The following CDH11 variants were observed in gnomAD, a reference collection of about 807,000 sequenced individuals.
CDH11 encodes cadherin-11.
In CDH11, 11 loss-of-function variants were observed where a neutral mutation model predicts 67.8. The observed-to-expected ratio is 0.16, with a 90% confidence interval of 0.10 to 0.27. The LOEUF (loss-of-function observed/expected upper bound fraction) is 0.27. CDH11 is among the 10% of genes least tolerant of loss of function. The pLI, the probability that CDH11 is intolerant of heterozygous loss-of-function variation, is 1.00. For missense variants in CDH11, 847 were observed against 1,031.2 expected, an observed-to-expected ratio of 0.82 and a Z score of 2.45; for synonymous variants, 419 against 400.0, an observed-to-expected ratio of 1.05 and a Z score of -0.57.
intron 1 of CDH11, among the ~76,000 whole-genome samples, chr16:65,077,140 A>G (rs946842675): frequency 6.6e-6 from 1 of 152,226 alleles, no homozygotes; most frequent in African/African-American, 2.4e-5. Flanking sequence ...ATTAGCTTTC[A>G]GTGCTTTTGC....
chr16:65,096,408 T>G (rs5817506), intron 1 of CDH11, among the ~76,000 whole-genome samples: 1,172 of 15,580 alleles, frequency 0.075, 19 homozygotes, highest in East Asian at 0.4. Context: ...TCTTTCGGGG[T>G]GTGTGTGTGT....
chr16:65,062,132 T>A (rs1272363760), intron 1 of CDH11, among the ~76,000 whole-genome samples: 1 of 152,184 alleles, frequency 6.6e-6, no homozygotes, highest in African/African-American at 2.4e-5. Flanking sequence ...GACTAAGGAC[T>A]GCATCACTTT....
chr16:65,065,638 G>A (rs1427398016), intron 1 of CDH11, among the ~76,000 whole-genome samples: 1 of 152,132 alleles, frequency 6.6e-6, no homozygotes, highest in Non-Finnish European at 1.5e-5. Flanking sequence ...CTTAAACATA[G>A]TGGAAAGATA....
chr16:65,116,782 A>G (rs1320176811), intron 1 of CDH11, among the ~76,000 whole-genome samples: 1 of 152,134 alleles, frequency 6.6e-6, no homozygotes, highest in Admixed American at 6.5e-5. Flanking sequence ...AGGTACGAAG[A>G]TCAGAAATTG....
At chr16:64,982,579 C>G (rs1472281442) in intron 7 of CDH11, 1 of 302,190 alleles carries the variant, frequency 3.3e-6, no homozygotes, top group Non-Finnish European at 6.1e-6. Flanking sequence ...CTAATGTTGC[C>G]CAAATAAGTC....
intron 2 of CDH11, among the ~76,000 whole-genome samples, chr16:65,045,328 A>T (rs559704412): frequency 2.2e-4 from 10 of 46,110 alleles, no homozygotes; most frequent in African/African-American, 8.9e-4. Flanking sequence ...TTCCCTCAAA[A>T]GTATATATAT....
intron 1 of CDH11, among the ~76,000 whole-genome samples, chr16:65,075,099 T>C (rs1425375690): frequency 6.6e-6 from 1 of 152,202 alleles, no homozygotes; most frequent in Non-Finnish European, 1.5e-5. Flanking sequence ...CTTGCATGGC[T>C]GGTCGTCTGC....
At chr16:65,058,801 C>G (rs2074190431) in intron 1 of CDH11, among the ~76,000 whole-genome samples, 1 of 152,102 alleles carries the variant, frequency 6.6e-6, no homozygotes, top group African/African-American at 2.4e-5. Flanking sequence ...CCTCAGTTTC[C>G]TCACTATAAA....
intron 1 of CDH11, among the ~76,000 whole-genome samples, chr16:65,106,082 G>A (rs1263514147): frequency 6.6e-6 from 1 of 152,182 alleles, no homozygotes; most frequent in African/African-American, 2.4e-5. Context: ...TTGAACCCAG[G>A]AGCTGTGTTA....
At chr16:65,027,893 CT>C (rs1268618184) in intron 2 of CDH11, among the ~76,000 whole-genome samples, 1 of 152,156 alleles carries the variant, frequency 6.6e-6, no homozygotes, top group African/African-American at 2.4e-5. Context: ...AGGGAAGGGA[CT>C]TGCATTTGAA....
chr16:65,008,921 T>C (rs564031639), intron 2 of CDH11, among the ~76,000 whole-genome samples: 1 of 152,272 alleles, frequency 6.6e-6, no homozygotes, highest in South Asian at 2.1e-4. Flanking sequence ...TTCTTGGACA[T>C]GTTTTCCATG....
chr16:65,042,891 A>G (rs1233743149), intron 2 of CDH11, among the ~76,000 whole-genome samples: 1 of 152,060 alleles, frequency 6.6e-6, no homozygotes, highest in Non-Finnish European at 1.5e-5. Flanking sequence ...TGTAGCCCCA[A>G]CTTCACTCTG....
chr16:65,058,350 G>A (rs2142732414), intron 1 of CDH11, among the ~76,000 whole-genome samples: 1 of 152,336 alleles, frequency 6.6e-6, no homozygotes, highest in Non-Finnish European at 1.5e-5. Context: ...ATAAACAAGT[G>A]AAATATCAGG....
At chr16:65,088,853 T>C (rs964820426) in intron 1 of CDH11, among the ~76,000 whole-genome samples, 2 of 152,176 alleles carry the variant, frequency 1.3e-5, no homozygotes, top group Non-Finnish European at 2.9e-5. Flanking sequence ...CCTTCTACTA[T>C]TGATTTATAC....
Position 64,947,139 on chromosome 16 carries a change from T to A in CDH11, c.*464A>T. 5.7e-6 allele frequency: 6 copies of A among 1,044,814 alleles called. No homozygotes were observed. The highest frequency in any genetic ancestry group is 6.9e-6 in the Non-Finnish European group (6 of 864,370). 64.7% of individuals were successfully genotyped at this position (1,044,814 alleles called of 1,614,324 possible). A position where few individuals can be genotyped will look rare whatever the true frequency, so the allele number is the denominator to read the frequency against. ...ATACATTGTATGGGTTTAAGCTGGCTGAATATTATATATTTCAAGTTTAAA... is the reference window on the plus strand; with the variant it reads ...ATACATTGTATGGGTTTAAGCTGGCAGAATATTATATATTTCAAGTTTAAA... On this transcript the variant is annotated 3_prime_UTR_variant, in exon 13 of 13. Transcript: ENST00000268603.
chr16:65,060,521 TA>T (rs1442514356), intron 1 of CDH11, among the ~76,000 whole-genome samples: 3 of 152,064 alleles, frequency 2.0e-5, no homozygotes, highest in Non-Finnish European at 2.9e-5. Flanking sequence ...CAGACAAAAA[TA>T]AGTACAAGCA....
intron 2 of CDH11, among the ~76,000 whole-genome samples, chr16:65,039,380 A>C (rs1231636388): frequency 6.6e-6 from 1 of 152,234 alleles, no homozygotes; most frequent in African/African-American, 2.4e-5. Flanking sequence ...CCAATGGAAC[A>C]GAACAGAGCC....
intron 2 of CDH11, among the ~76,000 whole-genome samples, chr16:65,038,878 A>G (rs2073808352): frequency 6.6e-6 from 1 of 152,224 alleles, no homozygotes; most frequent in African/African-American, 2.4e-5. Context: ...ATCCTATTTC[A>G]CAGGGATGCT....
chr16:65,069,848 A>T (rs1191473015), intron 1 of CDH11, among the ~76,000 whole-genome samples: 1 of 152,114 alleles, frequency 6.6e-6, no homozygotes, highest in South Asian at 2.1e-4. Flanking sequence ...AACACACATC[A>T]GTTGACCACC....
Sources: gnomAD v4.1 joint callset for allele counts (sites outside exome capture counted in the v4.1 genomes callset) on GRCh38, gnomAD v4.1.1 for gene constraint, MANE v1.5 for transcripts, NCBI Gene and HGNC (gene_info 2026-07-23, HGNC 2026-07-21) for gene names.